The following CGNL1 variants were observed in gnomAD, a reference collection of about 807,000 sequenced individuals.
CGNL1 encodes cingulin-like protein 1.
CGNL1 carries 132 observed loss-of-function variants against 141.2 expected under a neutral mutation model. The observed-to-expected ratio is 0.93, with a 90% CI of 0.81 to 1.08. CGNL1 has a LOEUF of 1.08. Among genes scored for constraint, CGNL1 ranks in the 50% least tolerant of loss-of-function variants. The probability of loss-of-function intolerance (pLI) is 0.00; values close to 1 mark genes in which losing one functional copy is unlikely to be tolerated. For synonymous variants in CGNL1, 690 were observed against 622.1 expected (o/e 1.11, Z -1.63); for missense variants, 1,870 against 1,588.6 (o/e 1.18, Z -3.01).
intron 8 of CGNL1, among the ~76,000 whole-genome samples, chr15:57,500,840 C>T (rs150137485): frequency 7.2e-5 from 11 of 152,168 alleles, no homozygotes; most frequent in Admixed American, 2.0e-4. Context: ...GAACAGAGGG[C>T]GCTAACATTT....
chr15:57,520,524 G>A (rs1567167115), intron 10 of CGNL1, among the ~76,000 whole-genome samples: 1 of 152,226 alleles, frequency 6.6e-6, no homozygotes, highest in African/African-American at 2.4e-5. Context: ...TAAAGATGCT[G>A]TTCTTGGTTA....
Position 57,498,245 on chromosome 15 carries a change from G to GTTTTTTTTTTTT in CGNL1, c.2404-18526_2404-18515dup, listed in dbSNP as rs56793548. ...CATACTTAGGTTGATTGGGGAAACA[G>GTTTTTTTTTTTT]TTTTTTTTTTTTTTTTTTTTGGAGA... On this transcript the variant is annotated intron_variant, in intron 8 of 18. Coordinates refer to ENST00000281282, the MANE Select transcript of CGNL1 (RefSeq NM_032866.5). 3.6e-4 allele frequency among the ~76,000 whole-genome samples: 36 copies of GTTTTTTTTTTTT among 101,082 alleles called. 1 individual carries two copies. The East Asian group carries it at 8.4e-3, about 24-fold the overall frequency. 66.3% of individuals were successfully genotyped at this position (101,082 alleles called of 152,430 possible).
chr15:57,496,377 T>G (rs2063938026), intron 8 of CGNL1, among the ~76,000 whole-genome samples: 1 of 152,152 alleles, frequency 6.6e-6, no homozygotes, highest in South Asian at 2.1e-4. Flanking sequence ...TGTGACCTGT[T>G]AGGGACCAGG....
chr15:57,517,261 A>T (rs2922233), intron 9 of CGNL1, among the ~76,000 whole-genome samples: 1 of 152,102 alleles, frequency 6.6e-6, no homozygotes, highest in African/African-American at 2.4e-5. Flanking sequence ...CCAGCCTTCC[A>T]TGGCTTCACA....
At chr15:57,401,330 G>A (rs189518704) in intron 1 of CGNL1, among the ~76,000 whole-genome samples, 96 of 152,294 alleles carry the variant, frequency 6.3e-4, no homozygotes, top group African/African-American at 2.2e-3. Flanking sequence ...GTTGGACGGT[G>A]TATACATTGA....
In CGNL1 at chr15:57,452,122, T is replaced by C; in HGVS notation, c.1906-19T>C. 1 of 1,606,920 alleles carries C rather than the reference T, an allele frequency of 6.2e-7. No individual in the cohort carries two copies. Among genetic ancestry groups the C allele is most frequent in the Non-Finnish European group, 8.5e-7 (1 of 1,177,054 alleles). ...AATGTACAGTGGAGGCTCTTTAAAA[T>C]CACACTGATTCCTGTTAGAATCAAC... On this transcript the variant is annotated intron_variant, in intron 5 of 18. Transcript: ENST00000281282.
chr15:57,532,851 A>T (rs1335184181), intron 14 of CGNL1, among the ~76,000 whole-genome samples: 1 of 152,146 alleles, frequency 6.6e-6, no homozygotes, highest in African/African-American at 2.4e-5. Context: ...ATAGATTGTT[A>T]TTCATAACCA....
chr15:57,524,995 A>G (rs544629763), intron 12 of CGNL1, among the ~76,000 whole-genome samples: 1 of 152,214 alleles, frequency 6.6e-6, no homozygotes, highest in East Asian at 1.9e-4. Flanking sequence ...TGAATCTATA[A>G]TTTTTTGCCT....
chr15:57,409,856 C>T (rs1253546845), intron 1 of CGNL1, among the ~76,000 whole-genome samples: 2 of 152,102 alleles, frequency 1.3e-5, no homozygotes, highest in Admixed American at 6.5e-5. Context: ...CCAATAAAAC[C>T]ACTGCTTGGT....
intron 1 of CGNL1, among the ~76,000 whole-genome samples, chr15:57,387,079 C>T (rs75116293): frequency 0.018 from 2,801 of 152,286 alleles, 68 homozygotes; most frequent in African/African-American, 0.045. Flanking sequence ...AGAGCAGTCA[C>T]TCCACGTTCC....
chr15:57,400,672 C>T (rs2062650216), intron 1 of CGNL1, among the ~76,000 whole-genome samples: 1 of 151,900 alleles, frequency 6.6e-6, no homozygotes, highest in Non-Finnish European at 1.5e-5. Flanking sequence ...CATCTGAGGT[C>T]GGGAGTTGGA....
At chr15:57,542,846 C>A (rs567459322) in intron 14 of CGNL1, among the ~76,000 whole-genome samples, 2 of 152,276 alleles carry the variant, frequency 1.3e-5, no homozygotes, top group Non-Finnish European at 2.9e-5. Flanking sequence ...ATCCTCAGTC[C>A]AGGCAAACTT....
At chr15:57,543,831 C>A in intron 15 of CGNL1, 52 bp downstream of exon 15, 1 of 1,363,972 alleles carries the variant, frequency 7.3e-7, no homozygotes, top group Non-Finnish European at 1.0e-6. Flanking sequence ...CTAACCCTCC[C>A]CCACTTCACT....
At chr15:57,531,125 T>A (rs1255286576) in intron 13 of CGNL1, among the ~76,000 whole-genome samples, 1 of 152,198 alleles carries the variant, frequency 6.6e-6, no homozygotes, top group Non-Finnish European at 1.5e-5. Context: ...AACCACCAAT[T>A]ATTATTCTGA....
chr15:57,528,536 C>T (rs1205305573), intron 12 of CGNL1, 118 bp from the exon 13 acceptor site: 31 of 994,362 alleles, frequency 3.1e-5, no homozygotes, highest in Non-Finnish European at 4.5e-5. Flanking sequence ...TCTGATCTCC[C>T]ATATTGTGGG....
At chr15:57,546,332 A>G (rs767468016) in intron 18 of CGNL1, 93 bp downstream of exon 18, 4 of 1,385,716 alleles carry the variant, frequency 2.9e-6, no homozygotes, top group Non-Finnish European at 3.9e-6. Flanking sequence ...TGTTGTCTCA[A>G]GCCAGCTCCT....
chr15:57,407,555 C>T (rs2062737561), intron 1 of CGNL1, among the ~76,000 whole-genome samples: 2 of 151,838 alleles, frequency 1.3e-5, no homozygotes, highest in South Asian at 4.2e-4. Flanking sequence ...TGCTTGTGGT[C>T]CCAGCTACTT....
chr15:57,440,109 TAA>T (rs34790913), intron 2 of CGNL1, among the ~76,000 whole-genome samples: 3 of 142,852 alleles, frequency 2.1e-5, no homozygotes, highest in African/African-American at 2.6e-5. Context: ...GATAAAATGG[TAA>T]AAAAAAAAAA....
chr15:57,442,599 G>A, intron 4 of CGNL1, 121 bp downstream of exon 4: 1 of 595,182 alleles, frequency 1.7e-6, no homozygotes. Context: ...TGAGTAGTGA[G>A]GAGTACTCTT....
Sources: allele counts gnomAD v4.1 joint callset (sites outside exome capture counted in the v4.1 genomes callset), GRCh38; gene constraint gnomAD v4.1.1; transcripts MANE v1.5; gene names NCBI Gene and HGNC (gene_info 2026-07-23, HGNC 2026-07-21).